SNAP25: variants seen among roughly 807,000 people sequenced by gnomAD.
SNAP25 encodes synaptosome associated protein 25.
A neutral mutation model predicts 28.7 loss-of-function variants in SNAP25; 3 were observed. The ratio of observed to expected loss-of-function variants is 0.10; its 90% CI spans 0.05 to 0.27. The LOEUF is 0.27. Ranked by LOEUF, SNAP25 falls within the 10% of genes least tolerant of loss-of-function variation. The pLI is 1.00. For synonymous variants in SNAP25, 61 were observed against 88.1 expected, an observed-to-expected ratio of 0.69 and a Z score of 1.72; for missense variants, 117 against 278.7, an observed-to-expected ratio of 0.42 and a Z score of 4.13.
chr20:10,276,669 G>A (rs1471425844), intron 2 of SNAP25, among the ~76,000 whole-genome samples: 1 of 152,184 alleles, frequency 6.6e-6, no homozygotes, highest in African/African-American at 2.4e-5. Flanking sequence ...ATGGTTAGCT[G>A]TAGACACAAA....
chr20:10,239,277 G>C (rs363037), intron 1 of SNAP25, among the ~76,000 whole-genome samples: 3 of 152,098 alleles, frequency 2.0e-5, no homozygotes, highest in African/African-American at 7.3e-5. Context: ...CTCTGTGGCT[G>C]TAGACAATAG....
Position 10,297,066 on chromosome 20 carries a change from C to G in SNAP25, c.407+16C>G, listed in dbSNP as rs1231740560. 6.4e-7 allele frequency: 1 copy of G among 1,570,022 alleles called. No individual in the cohort carries two copies. The highest frequency in any genetic ancestry group is 2.3e-5 in the East Asian group (1 of 44,346). Reference sequence around the variant, plus strand: ...TCATCCGCAGGTGAGCCTCATGCAGCATACACTGTAGCAGTTCTCTATTGT... The same window carrying G: ...TCATCCGCAGGTGAGCCTCATGCAGGATACACTGTAGCAGTTCTCTATTGT... On this transcript the variant is annotated intron_variant, in intron 6 of 7. Coordinates refer to ENST00000254976, the MANE Select transcript of SNAP25 (RefSeq NM_130811.4).
chr20:10,266,771 T>G (rs2063513686), intron 1 of SNAP25, among the ~76,000 whole-genome samples: 1 of 151,830 alleles, frequency 6.6e-6, no homozygotes, highest in Non-Finnish European at 1.5e-5. Flanking sequence ...ATGTAAAGAG[T>G]GAAAATGGGC....
chr20:10,254,602 C>T (rs1303223458), intron 1 of SNAP25, among the ~76,000 whole-genome samples: 1 of 152,200 alleles, frequency 6.6e-6, no homozygotes, highest in African/African-American at 2.4e-5. Flanking sequence ...CGGTCCTGCT[C>T]TGAAGTTCTT....
intron 1 of SNAP25, among the ~76,000 whole-genome samples, chr20:10,239,896 G>C (rs1237575119): frequency 6.6e-6 from 1 of 152,162 alleles, no homozygotes; most frequent in African/African-American, 2.4e-5. Context: ...ACCTACAGGG[G>C]CCTTTCTGGA....
intron 1 of SNAP25, among the ~76,000 whole-genome samples, chr20:10,263,643 A>T (rs1048539492): frequency 6.6e-6 from 1 of 152,170 alleles, no homozygotes; most frequent in Non-Finnish European, 1.5e-5. Flanking sequence ...TTAGCCCCAC[A>T]GAAGATTACT....
intron 3 of SNAP25, among the ~76,000 whole-genome samples, chr20:10,279,142 T>A (rs904038952): frequency 5.8e-4 from 89 of 152,298 alleles, no homozygotes; most frequent in African/African-American, 2.1e-3. Context: ...TACTTGAGGA[T>A]GAAGAAGGAG....
At position 10,275,452 on chromosome 20, in the gene SNAP25, A is replaced by AC. The variant is rs753068831; in HGVS notation, c.-34dup. ...AGGTCCAGAGCCAAACCCGTCACTG[A>AC]CCCCCCAGCCCAGGCGCCCAGCCAC... is the stretch of plus-strand genomic sequence containing the variant. On this transcript the variant is annotated 5_prime_UTR_variant, in exon 2 of 8. Transcript: ENST00000254976. 61 of 1,561,666 alleles carry AC rather than the reference A, an allele frequency of 3.9e-5. No homozygotes were observed. The highest frequency in any genetic ancestry group is 3.5e-5 in the South Asian group (3 of 84,704).
chr20:10,260,911 A>G (rs1600705717), intron 1 of SNAP25, among the ~76,000 whole-genome samples: 1 of 152,212 alleles, frequency 6.6e-6, no homozygotes, highest in Admixed American at 6.5e-5. Context: ...AATAGTAGCT[A>G]TCTCAGAAAT....
At chr20:10,269,366 C>T (rs1324016810) in intron 1 of SNAP25, among the ~76,000 whole-genome samples, 2 of 152,118 alleles carry the variant, frequency 1.3e-5, no homozygotes, top group African/African-American at 4.8e-5. Flanking sequence ...TGTGCCACCG[C>T]ACTCCCACCT....
At chr20:10,254,974 T>C (rs2063295427) in intron 1 of SNAP25, among the ~76,000 whole-genome samples, 2 of 152,130 alleles carry the variant, frequency 1.3e-5, no homozygotes, top group African/African-American at 4.8e-5. Flanking sequence ...TTTCTTCATC[T>C]GAAGTAAAAA....
intron 4 of SNAP25, among the ~76,000 whole-genome samples, chr20:10,292,690 A>G (rs974167461): frequency 4.6e-5 from 7 of 152,150 alleles, no homozygotes; most frequent in Admixed American, 3.9e-4. Flanking sequence ...AAGTATTTTG[A>G]GCATCGTTTG....
At chr20:10,238,659 C>A (rs924395844) in intron 1 of SNAP25, among the ~76,000 whole-genome samples, 1 of 152,108 alleles carries the variant, frequency 6.6e-6, no homozygotes, top group Non-Finnish European at 1.5e-5. Flanking sequence ...CCTGTAATCC[C>A]AGCACTTTGA....
intron 7 of SNAP25, among the ~76,000 whole-genome samples, chr20:10,304,720 C>T (rs563286921): frequency 2.4e-4 from 37 of 152,196 alleles, no homozygotes; most frequent in African/African-American, 8.9e-4. Context: ...ACTGGTGGCA[C>T]TTTGTATGGG....
At chr20:10,233,045 G>T (rs1360676340) in intron 1 of SNAP25, among the ~76,000 whole-genome samples, 3 of 152,104 alleles carry the variant, frequency 2.0e-5, no homozygotes, top group Non-Finnish European at 4.4e-5. Context: ...CACACTTACA[G>T]CTCAAGGATA....
chr20:10,290,811 A>G (rs976377022), intron 4 of SNAP25, among the ~76,000 whole-genome samples: 4 of 152,148 alleles, frequency 2.6e-5, no homozygotes, highest in Admixed American at 1.3e-4. Context: ...CCTCCAATCC[A>G]TCTCAAGCCT....
At chr20:10,256,463 T>G (rs530174792) in intron 1 of SNAP25, among the ~76,000 whole-genome samples, 2 of 152,184 alleles carry the variant, frequency 1.3e-5, no homozygotes, top group Non-Finnish European at 2.9e-5. Context: ...ATATGACCAC[T>G]GAGAAAACTA....
intron 1 of SNAP25, among the ~76,000 whole-genome samples, chr20:10,228,047 G>C: frequency 6.6e-6 from 1 of 152,050 alleles, no homozygotes; most frequent in East Asian, 1.9e-4. Flanking sequence ...TCATAAGCCT[G>C]GGCATGATTT....
intron 1 of SNAP25, among the ~76,000 whole-genome samples, chr20:10,268,095 C>T (rs1158271477): frequency 6.6e-6 from 1 of 151,994 alleles, no homozygotes; most frequent in South Asian, 2.1e-4. Flanking sequence ...AAATAGTGCC[C>T]AACAAAGAGC....
Sources: gnomAD v4.1 joint callset for allele counts (sites outside exome capture counted in the v4.1 genomes callset) on GRCh38, gnomAD v4.1.1 for gene constraint, MANE v1.5 for transcripts, NCBI Gene and HGNC (gene_info 2026-07-23, HGNC 2026-07-21) for gene names.